Variants in RABGAP1L observed in about 807,000 individuals in gnomAD.
RABGAP1L encodes RAB GTPase activating protein 1 like, also known as rab GTPase-activating protein 1-like.
A neutral mutation model predicts 137.7 loss-of-function variants in RABGAP1L; 63 were observed. The ratio of observed to expected loss-of-function variants is 0.46; its 90% CI spans 0.37 to 0.56. The LOEUF (loss-of-function observed/expected upper bound fraction) is 0.56, where lower values mean the gene tolerates loss of function less well. RABGAP1L is among the 20% of genes least tolerant of loss of function. The probability of loss-of-function intolerance (pLI) is 0.00; values close to 1 mark genes in which losing one functional copy is unlikely to be tolerated. For missense variants in RABGAP1L, 1,095 were observed against 1,244.0 expected (o/e 0.88, Z 1.80); for synonymous variants, 431 against 433.7 (o/e 0.99, Z 0.08).
intron 11 of RABGAP1L, among the ~76,000 whole-genome samples, chr1:174,347,827 C>T (rs2148910915): frequency 6.6e-6 from 1 of 152,292 alleles, no homozygotes; most frequent in East Asian, 1.9e-4. Flanking sequence ...ATAGCTCCTC[C>T]TGTTCTTTGT....
At chr1:174,291,849 T>A (rs1345220034) in intron 10 of RABGAP1L, among the ~76,000 whole-genome samples, 1 of 151,716 alleles carries the variant, frequency 6.6e-6, no homozygotes, top group Non-Finnish European at 1.5e-5. Flanking sequence ...TAGGTAGAAG[T>A]CTGTAACTTA....
chr1:174,652,861 G>T (rs1675645458), intron 14 of RABGAP1L, among the ~76,000 whole-genome samples: 1 of 152,220 alleles, frequency 6.6e-6, no homozygotes, highest in African/African-American at 2.4e-5. Context: ...ACAGCCGGCA[G>T]GCAGGAGTGT....
intron 7 of RABGAP1L, among the ~76,000 whole-genome samples, chr1:174,268,217 TG>T (rs1035840844): frequency 8.6e-5 from 13 of 151,822 alleles, no homozygotes; most frequent in African/African-American, 2.9e-4. Flanking sequence ...TTTTTTTTTT[TG>T]AGACGGAGTC....
At chr1:174,530,529 G>A (rs1664297884) in intron 13 of RABGAP1L, among the ~76,000 whole-genome samples, 1 of 152,110 alleles carries the variant, frequency 6.6e-6, no homozygotes, top group African/African-American at 2.4e-5. Context: ...TAGGATTTCA[G>A]GAGTCCATGG....
At chr1:174,913,694 A>G (rs1441706957) in intron 19 of RABGAP1L, among the ~76,000 whole-genome samples, 6 of 152,196 alleles carry the variant, frequency 3.9e-5, no homozygotes, top group African/African-American at 1.4e-4. Flanking sequence ...CTCTCTATAA[A>G]TGAGCTGTCT....
At chr1:174,440,795 T>C (rs1314475268) in intron 13 of RABGAP1L, among the ~76,000 whole-genome samples, 2 of 152,094 alleles carry the variant, frequency 1.3e-5, no homozygotes, top group African/African-American at 4.8e-5. Flanking sequence ...GACCTCAAGT[T>C]GATCTGCCCG....
chr1:174,242,956 T>G (rs1423403049), intron 5 of RABGAP1L: 14 of 152,170 alleles, frequency 9.2e-5, no homozygotes. Context: ...GGGGGCTATT[T>G]CTGATCCTTA....
intron 11 of RABGAP1L, among the ~76,000 whole-genome samples, chr1:174,345,165 A>T (rs1007355384): frequency 6.6e-6 from 1 of 151,914 alleles, no homozygotes; most frequent in African/African-American, 2.4e-5. Flanking sequence ...TTTAATGCCA[A>T]CCCCATGCTG....
chr1:174,473,127 T>G (rs1658123491), intron 13 of RABGAP1L, among the ~76,000 whole-genome samples: 1 of 152,218 alleles, frequency 6.6e-6, no homozygotes, highest in Non-Finnish European at 1.5e-5. Flanking sequence ...AGTGAAATGT[T>G]GCCATGCGTT....
intron 14 of RABGAP1L, among the ~76,000 whole-genome samples, chr1:174,659,717 A>G (rs1042045823): frequency 1.3e-5 from 2 of 152,158 alleles, no homozygotes; most frequent in African/African-American, 4.8e-5. Flanking sequence ...TCAATTGCCT[A>G]TTTGATTTCT....
At chr1:174,222,402 G>T (rs779370059) in intron 3 of RABGAP1L, among the ~76,000 whole-genome samples, 2 of 152,200 alleles carry the variant, frequency 1.3e-5, no homozygotes, top group Non-Finnish European at 2.9e-5. Context: ...ATGCATTTAT[G>T]TAGGGAATGT....
intron 19 of RABGAP1L, among the ~76,000 whole-genome samples, chr1:174,825,006 G>A (rs1793316): frequency 0.65 from 98,249 of 152,086 alleles, 34,246 homozygotes; most frequent in East Asian, 0.93. Context: ...GATCAAATGG[G>A]CATTCTTTTC....
intron 11 of RABGAP1L, among the ~76,000 whole-genome samples, chr1:174,326,474 G>A (rs1558134401): frequency 1.3e-5 from 2 of 152,074 alleles, no homozygotes; most frequent in East Asian, 1.9e-4. Context: ...AAATCAGCTC[G>A]AAGACAGGCT....
rs1393718913 is a variant in RABGAP1L at position 174,370,539 on chromosome 1, G to A, written c.1466-440G>A. On this transcript the variant is annotated intron_variant, in intron 11 of 25. Coordinates refer to ENST00000681986, the MANE Select transcript of RABGAP1L (RefSeq NM_001366446.1). ...TTTTTTTTTTTTTTTTACATTTCCG[G>A]TTGTTTGTGTGTTTATATCATAATA... is the stretch of plus-strand genomic sequence containing the variant. Among the ~76,000 whole-genome samples the A allele has an allele frequency of 2.0e-4, 17 of 86,692 alleles. No homozygotes were observed. The East Asian group carries it at 4.7e-3, about 24-fold the overall frequency. The allele number at this position is 86,692 out of a possible 152,430, so 56.9% of individuals were successfully genotyped here.
chr1:174,672,423 G>T (rs982038046), intron 14 of RABGAP1L, among the ~76,000 whole-genome samples: 1 of 150,978 alleles, frequency 6.6e-6, no homozygotes, highest in African/African-American at 2.4e-5. Context: ...TGGGATTACA[G>T]GTTTTTGTTT....
chr1:174,855,318 C>T (rs1649115050), intron 19 of RABGAP1L, among the ~76,000 whole-genome samples: 1 of 152,144 alleles, frequency 6.6e-6, no homozygotes, highest in African/African-American at 2.4e-5. Context: ...TAGAGCTTCC[C>T]CAGTCTGAAA....
intron 13 of RABGAP1L, among the ~76,000 whole-genome samples, chr1:174,586,633 C>G (rs935059768): frequency 6.6e-6 from 1 of 152,118 alleles, no homozygotes. Flanking sequence ...GTTTTACTCT[C>G]ATTGCCCAGG....
intron 20 of RABGAP1L, among the ~76,000 whole-genome samples, chr1:174,966,950 C>G (rs1339275395): frequency 6.6e-6 from 1 of 151,914 alleles, no homozygotes; most frequent in East Asian, 1.9e-4. Flanking sequence ...CTTAATAAAA[C>G]TATTTTTTAA....
intron 1 of RABGAP1L, among the ~76,000 whole-genome samples, chr1:174,192,151 T>G (rs1310766440): frequency 6.6e-6 from 1 of 152,168 alleles, no homozygotes; most frequent in Non-Finnish European, 1.5e-5. Context: ...GTGGTTTTAT[T>G]CTGTAAATGA....
Sources: gnomAD v4.1 joint callset for allele counts (sites outside exome capture counted in the v4.1 genomes callset) on GRCh38, gnomAD v4.1.1 for gene constraint, MANE v1.5 for transcripts, NCBI Gene and HGNC (gene_info 2026-07-23, HGNC 2026-07-21) for gene names.